Variants in CLCA1 observed in about 807,000 individuals in gnomAD.
CLCA1 encodes calcium-activated chloride channel regulator 1.
A neutral mutation model predicts 85.6 loss-of-function variants in CLCA1; 59 were observed. That is an observed-to-expected ratio of 0.69 (90% confidence interval 0.56 to 0.86). The LOEUF (loss-of-function observed/expected upper bound fraction) is 0.86, where lower values mean the gene tolerates loss of function less well. Ranked by LOEUF, CLCA1 falls within the 40% of genes least tolerant of loss-of-function variation. CLCA1 has a pLI of 0.00. For missense variants in CLCA1, 1,022 were observed against 1,101.4 expected, an observed-to-expected ratio of 0.93 and a Z score of 1.02; for synonymous variants, 396 against 398.3, an observed-to-expected ratio of 0.99 and a Z score of 0.07.
At position 86,486,588 on chromosome 1, in the gene CLCA1, G is replaced by T; in HGVS notation, c.1017G>T (p.Glu339Asp). Residue 339 changes from glutamate to aspartate, a missense_variant, in exon 7 of 14, where the codon GAG becomes GAT. By Grantham distance (45) the Glu-to-Asp change is conservative. Coordinates refer to ENST00000394711, the MANE Select transcript of CLCA1 (RefSeq NM_001285.4). The part of the protein sequence containing the change: ...AGQLFLLQTV[E>D]LGSWVGMVTF... ...AGCTTTTCCTGCTGCAGACAGTTGA[G>T]CTGGGGTCCTGGGTTGGGATGGTGA... 6.2e-7 allele frequency: 1 copy of T among 1,614,130 alleles called. No individual in the cohort carries two copies. Among genetic ancestry groups the T allele is most frequent in the Non-Finnish European group, 8.5e-7 (1 of 1,180,032 alleles).
chr1:86,500,094 T>G lies in CLCA1; in HGVS notation c.*49T>G. 1.5e-6 allele frequency: 2 copies of G among 1,342,066 alleles called. No homozygotes were observed. The highest frequency in any genetic ancestry group is 2.1e-6 in the Non-Finnish European group (2 of 971,084). The allele number at this position is 1,342,066 out of a possible 1,614,324, so 83.1% of individuals were successfully genotyped here. On this transcript the variant is annotated 3_prime_UTR_variant, in exon 14 of 14. Coordinates refer to ENST00000394711, the MANE Select transcript of CLCA1 (RefSeq NM_001285.4). ...AAAATAAATCATTCATCCTTTTTTT[T>G]GATTATAAAATTTTCTAAAATGTAT... is the stretch of plus-strand genomic sequence containing the variant.
Position 86,500,031 on chromosome 1 carries a change from C to T in CLCA1, c.2731C>T (p.Leu911=), listed in dbSNP as rs1480544891. The T allele has an allele frequency of 6.2e-7, 1 of 1,607,522 alleles. No individual in the cohort carries two copies. The highest frequency in any genetic ancestry group is 8.5e-7 in the Non-Finnish European group (1 of 1,174,526). The change falls in exon 14 of 14, where the codon CTG becomes TTG. Residue 911 remains leucine, a synonymous_variant. Transcript: ENST00000394711. ...GTGGAAGTGGATAGGAGAACTGCAG[C>T]TGTCAATAGCCTAGGGCTGAATTTT... ...IMWKWIGELQ[L]SIA
chr1:86,475,890 A>G (rs187053748), intron 3 of CLCA1, among the ~76,000 whole-genome samples: 1 of 152,290 alleles, frequency 6.6e-6, no homozygotes, highest in East Asian at 1.9e-4. Flanking sequence ...GAGAAGTTGG[A>G]CTTACCCTGA....
intron 11 of CLCA1, among the ~76,000 whole-genome samples, chr1:86,495,108 A>T (rs1163880094): frequency 6.6e-6 from 1 of 151,984 alleles, no homozygotes; most frequent in Non-Finnish European, 1.5e-5. Context: ...CCTGTGAATG[A>T]ATTTCCCACC....
chr1:86,474,146 A>T (rs541184184), intron 3 of CLCA1, among the ~76,000 whole-genome samples: 40 of 152,366 alleles, frequency 2.6e-4, no homozygotes, highest in African/African-American at 8.4e-4. Context: ...CTATAACTGT[A>T]AAAGAATTTA....
At chr1:86,479,912 A>C (rs1407452565) in intron 4 of CLCA1, among the ~76,000 whole-genome samples, 1 of 152,114 alleles carries the variant, frequency 6.6e-6, no homozygotes, top group Non-Finnish European at 1.5e-5. Context: ...ACAAACAAAC[A>C]ATGTGGGCAG....
At chr1:86,491,534 C>T (rs1648134491) in intron 9 of CLCA1, among the ~76,000 whole-genome samples, 163 bp downstream of exon 9, 1 of 152,218 alleles carries the variant, frequency 6.6e-6, no homozygotes, top group Non-Finnish European at 1.5e-5. Context: ...AAATGCAACA[C>T]TACTCATTTA....
chr1:86,485,405 A>T lies in CLCA1; in HGVS notation c.798A>T (p.Lys266Asn), dbSNP rs1647934810. 2 of 1,614,104 alleles carry T rather than the reference A, an allele frequency of 1.2e-6. No homozygotes were observed. The highest frequency in any genetic ancestry group is 2.7e-5 in the African/African-American group (2 of 74,938). Residue 266 changes from lysine to asparagine, a missense_variant, in exon 6 of 14, where the codon AAA becomes AAT. Coordinates refer to ENST00000394711, the MANE Select transcript of CLCA1 (RefSeq NM_001285.4). Reference protein sequence around the residue: ...NKEAPNKQNQKCNLRSTWEVI... With the variant: ...NKEAPNKQNQNCNLRSTWEVI... Reference sequence around the variant, plus strand: ...AAGCTCCAAACAAGCAAAATCAAAAATGCAATCTCCGAAGCACATGGGAAG... The same window carrying T: ...AAGCTCCAAACAAGCAAAATCAAAATTGCAATCTCCGAAGCACATGGGAAG...
intron 12 of CLCA1, among the ~76,000 whole-genome samples, chr1:86,497,037 G>T (rs5744421): frequency 9.7e-4 from 148 of 152,302 alleles, no homozygotes; most frequent in African/African-American, 3.3e-3. Context: ...CCATGCCACT[G>T]CTTTTTGAGT....
intron 7 of CLCA1, 82 bp downstream of exon 7, chr1:86,486,835 C>T: frequency 1.6e-6 from 2 of 1,240,182 alleles, no homozygotes; most frequent in Non-Finnish European, 1.2e-6. Flanking sequence ...TGTTTCCATA[C>T]ATGCCTAGGG....
chr1:86,473,268 T>C, intron 1 of CLCA1, 149 bp from the exon 2 acceptor site: 1 of 534,372 alleles, frequency 1.9e-6, no homozygotes, highest in Non-Finnish European at 3.2e-6. Context: ...AGCTTAGCTA[T>C]TATTATTAAA....
intron 4 of CLCA1, 135 bp from the exon 5 acceptor site, chr1:86,482,070 C>T: frequency 1.6e-6 from 1 of 641,752 alleles, no homozygotes; most frequent in Non-Finnish European, 2.7e-6. Context: ...AACACTTTTG[C>T]TATGATGGGA....
chr1:86,492,253 T>C (rs5744392), intron 9 of CLCA1, among the ~76,000 whole-genome samples: 8,559 of 152,282 alleles, frequency 0.056, 312 homozygotes, highest in Middle Eastern at 0.15. Context: ...ATTTATTCAA[T>C]CTAGGAAGAC....
At chr1:86,486,484 C>A in intron 6 of CLCA1, 42 bp from the exon 7 acceptor site, 1 of 1,572,870 alleles carries the variant, frequency 6.4e-7, no homozygotes, top group South Asian at 1.1e-5. Flanking sequence ...ATTAGTCTTT[C>A]CATCTAAACG....
intron 7 of CLCA1, among the ~76,000 whole-genome samples, chr1:86,488,126 C>T (rs181066917): frequency 4.8e-4 from 73 of 152,288 alleles, no homozygotes; most frequent in Non-Finnish European, 7.2e-4. Flanking sequence ...CTTCAGAGGA[C>T]GCCTTCTTTT....
intron 12 of CLCA1, among the ~76,000 whole-genome samples, chr1:86,498,255 A>G (rs1648354898): frequency 6.6e-6 from 1 of 152,204 alleles, no homozygotes; most frequent in African/African-American, 2.4e-5. Context: ...AGACAAGATC[A>G]GGATGGGCAA....
intron 3 of CLCA1, among the ~76,000 whole-genome samples, chr1:86,474,919 AT>A (rs903256400): frequency 6.6e-6 from 1 of 151,954 alleles, no homozygotes; most frequent in African/African-American, 2.4e-5. Context: ...AACCAGCTTG[AT>A]TTTTTTTAAC....
chr1:86,483,420 T>C (rs1570283869), intron 5 of CLCA1, among the ~76,000 whole-genome samples: 1 of 152,294 alleles, frequency 6.6e-6, no homozygotes, highest in East Asian at 1.9e-4. Flanking sequence ...GATTACTTTC[T>C]AAATTAATAG....
At chr1:86,490,027 G>C (rs545850311) in intron 8 of CLCA1, among the ~76,000 whole-genome samples, 1 of 152,336 alleles carries the variant, frequency 6.6e-6, no homozygotes, top group Admixed American at 6.5e-5. Flanking sequence ...CACTGATGCA[G>C]ACCTAGTCGG....
Sources: allele counts gnomAD v4.1 joint callset (sites outside exome capture counted in the v4.1 genomes callset), GRCh38; gene constraint gnomAD v4.1.1; transcripts MANE v1.5; gene names NCBI Gene and HGNC (gene_info 2026-07-23, HGNC 2026-07-21).